C2orf76: variants seen among roughly 807,000 people sequenced by gnomAD.
The protein encoded by C2orf76 is chromosome 2 open reading frame 76, also known as UPF0538 protein C2orf76.
A neutral mutation model predicts 16.9 loss-of-function variants in C2orf76; 23 were observed. The ratio of observed to expected loss-of-function variants is 1.36; its 90% confidence interval spans 0.98 to 1.93. The LOEUF is 1.93. Ranked by LOEUF, C2orf76 falls within the 30% of genes most tolerant of loss-of-function variation. The pLI, the probability that C2orf76 is intolerant of heterozygous loss-of-function variation, is 0.00. For missense variants in C2orf76, 152 were observed against 152.6 expected (o/e 1.00, Z 0.02); for synonymous variants, 48 against 52.3 (o/e 0.92, Z 0.35).
At chr2:119,359,756 CA>C (rs1380474516) in intron 1 of C2orf76, among the ~76,000 whole-genome samples, 2 of 152,186 alleles carry the variant, frequency 1.3e-5, no homozygotes, top group Admixed American at 1.3e-4. Context: ...TATGAATGAG[CA>C]AAGAAAGCAG....
chr2:119,282,934 C>T, the C2orf76 span, among the ~76,000 whole-genome samples: 1 of 152,336 alleles, frequency 6.6e-6, no homozygotes, highest in Non-Finnish European at 1.5e-5. Flanking sequence ...ACAACATGCT[C>T]GTCCTTGGGA....
intron 1 of C2orf76, among the ~76,000 whole-genome samples, chr2:119,350,215 T>C (rs1256448001): frequency 6.6e-5 from 10 of 152,016 alleles, no homozygotes. Flanking sequence ...AAGAAAATGT[T>C]TGAGATGTGG....
At chr2:119,352,110 C>A (rs1680426062) in intron 1 of C2orf76, among the ~76,000 whole-genome samples, 1 of 152,056 alleles carries the variant, frequency 6.6e-6, no homozygotes, top group South Asian at 2.1e-4. Flanking sequence ...TGGAGAAGAC[C>A]CTATAACCAC....
intron 2 of C2orf76, among the ~76,000 whole-genome samples, chr2:119,330,409 G>A (rs1055194201): frequency 1.3e-5 from 2 of 150,382 alleles, no homozygotes; most frequent in African/African-American, 4.9e-5. Context: ...CACTGATTCT[G>A]ATGAGAAGTT....
At chr2:119,312,210 G>A (rs529571147) in intron 4 of C2orf76, among the ~76,000 whole-genome samples, 86 of 152,206 alleles carry the variant, frequency 5.7e-4, no homozygotes, top group African/African-American at 1.9e-3. Context: ...TTCCAGCTCT[G>A]GCCAGTCCGA....
intron 2 of C2orf76, among the ~76,000 whole-genome samples, chr2:119,327,447 T>C (rs1235280260): frequency 6.6e-6 from 1 of 150,908 alleles, no homozygotes; most frequent in East Asian, 2.0e-4. Flanking sequence ...AAATCTCATG[T>C]TGACATGTAA....
At chr2:119,340,913 T>TAA (rs59470520) in intron 1 of C2orf76, among the ~76,000 whole-genome samples, 1,948 of 143,666 alleles carry the variant, frequency 0.014, 39 homozygotes, top group African/African-American at 0.047. Flanking sequence ...AGCAAACAGT[T>TAA]AAAAAAAAAA....
At chr2:119,340,223 C>A in intron 1 of C2orf76, 1 of 369,720 alleles carries the variant, frequency 2.7e-6, no homozygotes. Context: ...AGAAAACTGA[C>A]AGAGTACAGA....
At chr2:119,328,228 G>A (rs1679571420) in intron 2 of C2orf76, among the ~76,000 whole-genome samples, 1 of 152,100 alleles carries the variant, frequency 6.6e-6, no homozygotes, top group African/African-American at 2.4e-5. Context: ...ATGGTAGAAT[G>A]TACCAGTGAA....
At chr2:119,294,913 C>T in the C2orf76 span, among the ~76,000 whole-genome samples, 1 of 152,106 alleles carries the variant, frequency 6.6e-6, no homozygotes, top group Non-Finnish European at 1.5e-5. Flanking sequence ...GATGAGAAGG[C>T]ATAGAGGATC....
At chr2:119,354,455 G>A (rs1680503220) in intron 1 of C2orf76, among the ~76,000 whole-genome samples, 1 of 152,200 alleles carries the variant, frequency 6.6e-6, no homozygotes, top group Non-Finnish European at 1.5e-5. Context: ...ACCAGGAGGT[G>A]GAGGTTGCAG....
intron 1 of C2orf76, 96 bp downstream of exon 1, chr2:119,366,694 C>T (rs976977964): frequency 4.1e-6 from 2 of 484,310 alleles, no homozygotes; most frequent in African/African-American, 2.0e-5. Context: ...CCCTCCCCTT[C>T]CCCCGCGTGC....
the C2orf76 span, among the ~76,000 whole-genome samples, chr2:119,287,482 C>G: frequency 6.6e-6 from 1 of 151,678 alleles, no homozygotes; most frequent in African/African-American, 2.4e-5. Context: ...AAGTATACAA[C>G]TTTAGAGGGT....
At chr2:119,284,352 C>T in the C2orf76 span, among the ~76,000 whole-genome samples, 8 of 152,076 alleles carry the variant, frequency 5.3e-5, no homozygotes, top group African/African-American at 9.7e-5. Flanking sequence ...GCTAATTTTG[C>T]GGATGATGAA....
At chr2:119,367,067 C>A (rs760114471), upstream of C2orf76, 5 of 1,614,014 alleles carry the variant, frequency 3.1e-6, no homozygotes, top group South Asian at 3.3e-5. Flanking sequence ...TCAGGTACAG[C>A]GCGTGCACAG....
In C2orf76 at chr2:119,311,606, A is replaced by G; in HGVS notation, c.304+16T>C. ...GCAGAGGTCCCCCTCCAGCAACACA[A>G]GGCCCCCTTCCTCACCGATTCCAGC... On this transcript the variant is annotated intron_variant, in intron 5 of 5. Coordinates refer to ENST00000334816, the MANE Select transcript of C2orf76 (RefSeq NM_001322331.2). 6.2e-7 allele frequency: 1 copy of G among 1,610,272 alleles called. No individual in the cohort carries two copies. The highest frequency in any genetic ancestry group is 1.3e-5 in the African/African-American group (1 of 74,574).
chr2:119,290,974 A>T, the C2orf76 span, among the ~76,000 whole-genome samples: 47,644 of 151,868 alleles, frequency 0.31, 8,084 homozygotes, highest in Non-Finnish European at 0.38. Flanking sequence ...TTACAGGGGG[A>T]CAAACCTATT....
intron 1 of C2orf76, among the ~76,000 whole-genome samples, chr2:119,340,965 A>T (rs562162650): frequency 2.7e-4 from 41 of 152,040 alleles, no homozygotes; most frequent in African/African-American, 7.2e-4. Flanking sequence ...TAACATTCTG[A>T]TGCATTCTGA....
chr2:119,340,138 G>C lies in C2orf76; in HGVS notation c.-12-167C>G, dbSNP rs1177768274. 6.6e-5 allele frequency: 42 copies of C among 639,724 alleles called. No individual in the cohort carries two copies. In the East Asian group the frequency reaches 1.2e-3, roughly 18 times the overall value. 39.6% of individuals were successfully genotyped at this position (639,724 alleles called of 1,614,324 possible). A position where few individuals can be genotyped will look rare whatever the true frequency, so the allele number is the denominator to read the frequency against. On this transcript the variant is annotated intron_variant, in intron 1 of 5. Coordinates refer to ENST00000334816, the MANE Select transcript of C2orf76 (RefSeq NM_001322331.2). Reference sequence around the variant, plus strand: ...AGCCAGGTTCCAGAGTCCCCAGAAGGGTCCCAGTGATTATACCCACCTATC... The same window carrying C: ...AGCCAGGTTCCAGAGTCCCCAGAAGCGTCCCAGTGATTATACCCACCTATC...
Sources: gnomAD v4.1 joint callset for allele counts (sites outside exome capture counted in the v4.1 genomes callset) on GRCh38, gnomAD v4.1.1 for gene constraint, MANE v1.5 for transcripts, NCBI Gene and HGNC (gene_info 2026-07-23, HGNC 2026-07-21) for gene names.